Variants in RIF1 observed in about 807,000 individuals in gnomAD.
The protein encoded by RIF1 is replication timing regulatory factor 1, also known as telomere-associated protein RIF1.
RIF1 carries 45 observed loss-of-function variants against 247.1 expected under a neutral mutation model. The ratio of observed to expected loss-of-function variants is 0.18; its 90% CI spans 0.14 to 0.23. The LOEUF (loss-of-function observed/expected upper bound fraction) is 0.23, where lower values mean the gene tolerates loss of function less well. RIF1 is among the 10% of genes least tolerant of loss of function. The pLI is 1.00. For synonymous variants in RIF1, 1,087 were observed against 978.8 expected (o/e 1.11, Z -2.06); for missense variants, 2,967 against 2,862.5 (o/e 1.04, Z -0.83).
At position 151,490,039 on chromosome 2, in the gene RIF1, G is replaced by A. The variant is rs200731870; in HGVS notation, c.*416-5190G>A. On this transcript the variant is annotated intron_variant and NMD_transcript_variant, in intron 9 of 13. Transcript: ENST00000454583. ...TGTTGGGTAGCAACTGAAGATGATC[G>A]TTGTTGTGGGAGCTCTGTGGTTTTT... 2.7e-5 allele frequency: 43 copies of A among 1,613,188 alleles called. No homozygotes were observed. Among genetic ancestry groups the A allele is most frequent in the Non-Finnish European group, 3.2e-5 (38 of 1,179,556 alleles).
In RIF1 at chr2:151,450,937, C is replaced by G. The variant is rs1694207213; in HGVS notation, c.2245-669C>G. 1.3e-5 allele frequency among the ~76,000 whole-genome samples: 2 copies of G among 152,136 alleles called. 1 individual carries two copies. The highest frequency in any genetic ancestry group is 4.1e-4 in the South Asian group (2 of 4,830). ...CTGGGTTTAGTGAAAACTTTTACTTCATAATTTTCAAGAGGAATTTGATAG... is the reference window on the plus strand; with the variant it reads ...CTGGGTTTAGTGAAAACTTTTACTTGATAATTTTCAAGAGGAATTTGATAG... On this transcript the variant is annotated intron_variant, in intron 20 of 35. Transcript: ENST00000444746.
At chr2:151,498,748 C>A (rs143622692) in intron 10 of RIF1, among the ~76,000 whole-genome samples, 1 of 152,086 alleles carries the variant, frequency 6.6e-6, no homozygotes, top group Non-Finnish European at 1.5e-5. Flanking sequence ...TTGGGTTTTA[C>A]AAACATTGTG....
In RIF1 at chr2:151,445,196, C is replaced by T. The variant is rs144883271; in HGVS notation, c.1987-142C>T. ...CCAAATAAGACTACATGCGTAGGTTCGAGGGGTTAAGAGTTAAACTTATTT... is the reference window on the plus strand; with the variant it reads ...CCAAATAAGACTACATGCGTAGGTTTGAGGGGTTAAGAGTTAAACTTATTT... On this transcript the variant is annotated intron_variant, in intron 18 of 35. Coordinates refer to ENST00000444746, the MANE Select transcript of RIF1 (RefSeq NM_018151.5). 1,760 of 633,866 alleles carry T rather than the reference C, an allele frequency of 2.8e-3. 12 individuals are homozygous for T. Among genetic ancestry groups the T allele is most frequent in the Non-Finnish European group, 3.9e-3 (1,393 of 354,482 alleles). 39.3% of individuals were successfully genotyped at this position (633,866 alleles called of 1,614,324 possible).
chr2:151,440,747 T>C (rs768427963), intron 15 of RIF1, among the ~76,000 whole-genome samples: 4 of 152,358 alleles, frequency 2.6e-5, no homozygotes, highest in Non-Finnish European at 4.4e-5. Context: ...AGCCTAACTA[T>C]TCATTAGCTG....
rs189402948 is a variant in RIF1 at position 151,452,729 on chromosome 2, A to G, written c.2344+1024A>G. On this transcript the variant is annotated intron_variant, in intron 21 of 35. Transcript: ENST00000444746. ...GCTTATCTCTGAAAATCATAAGTTTACCAAGATTATATAACAGATGATGTC... is the reference window on the plus strand; with the variant it reads ...GCTTATCTCTGAAAATCATAAGTTTGCCAAGATTATATAACAGATGATGTC... 2.0e-3 allele frequency among the ~76,000 whole-genome samples: 307 copies of G among 152,348 alleles called. 6 individuals carry two copies. Among genetic ancestry groups the G allele is most frequent in the South Asian group, 2.1e-4 (1 of 4,832 alleles).
intron 9 of RIF1, chr2:151,494,207 G>A (rs1378323203): frequency 6.2e-7 from 1 of 1,608,222 alleles, no homozygotes; most frequent in African/African-American, 1.3e-5. Flanking sequence ...CATCTCAGGA[G>A]TGACAGGGGT....
Position 151,478,277 on chromosome 2 carries a change from G to A in RIF1, c.*3206G>A, listed in dbSNP as rs890043153. ...CCGGCAGGTGGATCACTTTGGCCCA[G>A]GAGTTCAAAACTGACCTGAACAATG... is the stretch of plus-strand genomic sequence containing the variant. On this transcript the variant is annotated 3_prime_UTR_variant, in exon 36 of 36. Transcript: ENST00000444746. 10 of 152,162 alleles carry A rather than the reference G, an allele frequency of 6.6e-5. No homozygotes were observed. Among genetic ancestry groups the A allele is most frequent in the African/African-American group, 2.4e-4 (10 of 41,428 alleles). 9.4% of individuals were successfully genotyped at this position (152,162 alleles called of 1,614,324 possible).
intron 6 of RIF1, 81 bp downstream of exon 6, chr2:151,416,982 A>T: frequency 9.6e-7 from 1 of 1,046,770 alleles, no homozygotes; most frequent in Non-Finnish European, 1.4e-6. Flanking sequence ...GATTTAAATG[A>T]GAGACAGACA....
At chr2:151,492,040 T>C in intron 9 of RIF1, 3 of 1,539,244 alleles carry the variant, frequency 1.9e-6, no homozygotes, top group Non-Finnish European at 2.7e-6. Context: ...AATGCTACTT[T>C]TGTTCTTCTA....
downstream of RIF1, among the ~76,000 whole-genome samples, chr2:151,487,021 A>G (rs987961174): frequency 6.6e-6 from 1 of 152,126 alleles, no homozygotes; most frequent in African/African-American, 2.4e-5. Context: ...TATGAACTTC[A>G]TACTAAGTTA....
chr2:151,499,793 C>A, intron 11 of RIF1, among the ~76,000 whole-genome samples: 1 of 152,162 alleles, frequency 6.6e-6, no homozygotes, highest in East Asian at 1.9e-4. Flanking sequence ...CAAATCTATG[C>A]AATATGGCAA....
In RIF1 at chr2:151,456,977, G is replaced by A. The variant is rs534150688; in HGVS notation, c.2652+357G>A. On this transcript the variant is annotated intron_variant, in intron 23 of 35. Transcript: ENST00000444746. ...TCGAACTCCTGACCTCAAGTGATTC[G>A]CCTGCCTCGGCTTCCCGAAGTGCTA... Among the ~76,000 whole-genome samples the A allele has an allele frequency of 9.2e-5, 14 of 152,194 alleles. No homozygotes were observed. The South Asian group carries it at 1.4e-3, about 16-fold the overall frequency.
chr2:151,514,367 T>C, the RIF1 span: 12 of 1,613,880 alleles, frequency 7.4e-6, no homozygotes, highest in Non-Finnish European at 1.0e-5. Context: ...GTCAGGTGTA[T>C]CTTCCATTTC....
chr2:151,521,620 T>C, the RIF1 span, among the ~76,000 whole-genome samples: 3 of 152,232 alleles, frequency 2.0e-5, no homozygotes, highest in African/African-American at 7.2e-5. Flanking sequence ...ATCTGCTTTT[T>C]TTAGAAGCAT....
At chr2:151,423,093 T>C in intron 8 of RIF1, 51 bp downstream of exon 8, 1 of 965,360 alleles carries the variant, frequency 1.0e-6, no homozygotes, top group Non-Finnish European at 1.6e-6. Flanking sequence ...CTGGACTCTT[T>C]ATTTTCTTAC....
At chr2:151,454,870 T>C in intron 21 of RIF1, 25 bp from the exon 22 acceptor site, 7 of 1,530,564 alleles carry the variant, frequency 4.6e-6, no homozygotes, top group Non-Finnish European at 6.2e-6. Flanking sequence ...TTTGAGTTTT[T>C]AATTAATTCA....
Position 151,476,601 on chromosome 2 carries a change from AT to A in RIF1, c.*1532del, listed in dbSNP as rs1043726352. 7.9e-5 allele frequency: 12 copies of A among 152,192 alleles called. No individual in the cohort carries two copies. The highest frequency in any genetic ancestry group is 3.3e-4 in the Admixed American group (5 of 15,274). 9.4% of individuals were successfully genotyped at this position (152,192 alleles called of 1,614,324 possible). ...TTGGTGTCTTTTTTCATCATCATAA[AT>A]TCATCATAATCACAGATATTTTTGG... On this transcript the variant is annotated 3_prime_UTR_variant, in exon 36 of 36. Transcript: ENST00000444746.
At position 151,411,270 on chromosome 2, in the gene RIF1, G is replaced by A. The variant is rs1306344224; in HGVS notation, c.115G>A (p.Gly39Arg). The change falls in exon 3 of 36, where the codon GGA (glycine) becomes AGA (arginine). Residue 39 changes from glycine to arginine, a missense_variant. By Grantham distance (125) the Gly-to-Arg change is moderately radical (BLOSUM62 -2). This residue lies in a region of RIF1 where 269 missense variants were observed against 288.6 expected (regional missense o/e 0.93). Transcript: ENST00000444746. ...AYLTLTSRMT[G>R]EEGKEVITEI... ...TTCCTGCTTTTTAAGTCGTATGACT[G>A]GAGAAGAAGGAAAAGAAGTAATTAC... The A allele has an allele frequency of 7.5e-6, 12 of 1,595,692 alleles. No homozygotes were observed. Among genetic ancestry groups the A allele is most frequent in the Non-Finnish European group, 1.0e-5 (12 of 1,169,848 alleles).
intron 34 of RIF1, among the ~76,000 whole-genome samples, chr2:151,472,271 C>A (rs1329782951): frequency 2.0e-5 from 3 of 152,206 alleles, no homozygotes; most frequent in African/African-American, 7.2e-5. Context: ...AGATTTTGGG[C>A]TGAGACAACG....
Sources: gnomAD v4.1 joint callset for allele counts (sites outside exome capture counted in the v4.1 genomes callset) on GRCh38, gnomAD v4.1.1 for gene constraint, gnomAD v4.1.1 regional missense constraint, MANE v1.5 for transcripts, NCBI Gene and HGNC (gene_info 2026-07-23, HGNC 2026-07-21) for gene names.